The following SEPTIN11 variants were observed in gnomAD, a reference collection of about 807,000 sequenced individuals.
SEPTIN11 encodes the protein septin 11.
In SEPTIN11, 25 loss-of-function variants were observed where a neutral mutation model predicts 51.4. The observed-to-expected ratio is 0.49, with a 90% CI of 0.35 to 0.68. The LOEUF (loss-of-function observed/expected upper bound fraction) is 0.68. Among genes scored for constraint, SEPTIN11 ranks in the 30% least tolerant of loss-of-function variants. The pLI, the probability that SEPTIN11 is intolerant of heterozygous loss-of-function variation, is 0.00. For missense variants in SEPTIN11, 381 were observed against 520.8 expected (o/e 0.73, Z 2.61); for synonymous variants, 174 against 184.1 (o/e 0.95, Z 0.44).
rs149771560 is a variant in SEPTIN11 at position 77,035,175 on chromosome 4, G to A, written c.*663G>A. ...CCTGCCTTCAATCCTGGCCAAGTTG[G>A]AGTAGACTGGTATGAGAAAACTATG... is the stretch of plus-strand genomic sequence containing the variant. On this transcript the variant is annotated 3_prime_UTR_variant, in exon 10 of 10. Coordinates refer to ENST00000264893, the MANE Select transcript of SEPTIN11 (RefSeq NM_018243.4). 2.0e-4 allele frequency: 196 copies of A among 985,458 alleles called. 1 individual carries two copies. The African/African-American group carries it at 3.0e-3, about 15-fold the overall frequency. The allele number at this position is 985,458 out of a possible 1,614,324, so 61.0% of individuals were successfully genotyped here.
chr4:76,995,707 A>G lies in SEPTIN11; in HGVS notation c.28-718A>G. 1.5e-6 allele frequency: 2 copies of G among 1,305,714 alleles called. 1 individual carries two copies. Among genetic ancestry groups the G allele is most frequent in the South Asian group, 3.4e-5 (2 of 59,324 alleles). 80.9% of individuals were successfully genotyped at this position (1,305,714 alleles called of 1,614,324 possible). On this transcript the variant is annotated intron_variant, in intron 1 of 9. Coordinates refer to ENST00000264893, the MANE Select transcript of SEPTIN11 (RefSeq NM_018243.4). ...ACCATTTTATATAACAGCATAAATC[A>G]CCCAGTGATTTTACTTTAGCTTCCA...
intron 1 of SEPTIN11, among the ~76,000 whole-genome samples, chr4:76,982,119 T>C (rs894757364): frequency 9.2e-5 from 14 of 152,218 alleles, no homozygotes; most frequent in Admixed American, 7.9e-4. Flanking sequence ...TTCCCTGCCC[T>C]TTGGGCCTCT....
chr4:76,979,880 C>T (rs1448435465), intron 1 of SEPTIN11, among the ~76,000 whole-genome samples: 1 of 151,580 alleles, frequency 6.6e-6, no homozygotes, highest in South Asian at 2.1e-4. Flanking sequence ...CAAACAAGCA[C>T]CCAATAAACA....
chr4:76,978,508 G>A (rs1289458524), intron 1 of SEPTIN11, among the ~76,000 whole-genome samples: 1 of 152,108 alleles, frequency 6.6e-6, no homozygotes, highest in South Asian at 2.1e-4. Flanking sequence ...CTCTACTAAT[G>A]TAGTGGCCTG....
intron 1 of SEPTIN11, among the ~76,000 whole-genome samples, chr4:76,950,212 A>T (rs1721268202): frequency 6.6e-6 from 1 of 152,044 alleles, no homozygotes; most frequent in Admixed American, 6.5e-5. Flanking sequence ...TAATTCTTTG[A>T]GGCGCGGCGT....
intron 1 of SEPTIN11, among the ~76,000 whole-genome samples, chr4:76,963,055 C>T (rs1721888202): frequency 6.6e-6 from 1 of 152,064 alleles, no homozygotes; most frequent in African/African-American, 2.4e-5. Context: ...ATTTTTAATC[C>T]CAACCATGGA....
At chr4:76,962,148 T>G (rs1035637247) in intron 1 of SEPTIN11, among the ~76,000 whole-genome samples, 1 of 152,204 alleles carries the variant, frequency 6.6e-6, no homozygotes, top group Non-Finnish European at 1.5e-5. Flanking sequence ...GAAAACACTT[T>G]TAAGTTCTGT....
chr4:77,005,207 A>G (rs758761382), intron 2 of SEPTIN11, among the ~76,000 whole-genome samples: 1 of 152,226 alleles, frequency 6.6e-6, no homozygotes, highest in Admixed American at 6.5e-5. Flanking sequence ...CAGAAATTCA[A>G]CAGTATAGTC....
Position 77,012,793 on chromosome 4 carries a change from G to A in SEPTIN11, c.525+872G>A, listed in dbSNP as rs116584508. On this transcript the variant is annotated intron_variant, in intron 4 of 9. Transcript: ENST00000264893. ...CCTCTGTCTCAACTGTCCTTTAAAG[G>A]GCTGGAGAGGCTGAAGCCAAGCCAG... 4.2e-3 allele frequency among the ~76,000 whole-genome samples: 643 copies of A among 152,318 alleles called. 5 individuals carry two copies. The highest frequency in any genetic ancestry group is 0.015 in the African/African-American group (608 of 41,568).
intron 6 of SEPTIN11, 137 bp from the exon 7 acceptor site, chr4:77,020,365 A>G: frequency 9.9e-7 from 1 of 1,010,706 alleles, no homozygotes; most frequent in South Asian, 1.6e-5. Flanking sequence ...AGGTGAATCC[A>G]GTAAAGGATC....
chr4:77,025,052 TTC>T (rs1390744901), intron 7 of SEPTIN11, among the ~76,000 whole-genome samples: 1 of 152,186 alleles, frequency 6.6e-6, no homozygotes, highest in Non-Finnish European at 1.5e-5. Context: ...TCTGTGTTCG[TTC>T]TCTCTTCCTT....
chr4:77,032,769 C>T (rs1325733412), intron 9 of SEPTIN11, among the ~76,000 whole-genome samples: 1 of 152,158 alleles, frequency 6.6e-6, no homozygotes, highest in Non-Finnish European at 1.5e-5. Context: ...GTATACTAGA[C>T]GTGCCTTTAA....
intron 2 of SEPTIN11, among the ~76,000 whole-genome samples, chr4:77,000,797 C>T (rs7688449): frequency 0.37 from 56,738 of 151,942 alleles, 10,948 homozygotes; most frequent in Non-Finnish European, 0.42. Flanking sequence ...CACGCTGGCT[C>T]ATCTTATGCC....
At chr4:77,021,247 A>G (rs1373958698) in intron 7 of SEPTIN11, 1 of 152,486 alleles carries the variant, frequency 6.6e-6, no homozygotes, top group Admixed American at 6.5e-5. Flanking sequence ...GAGACGCAAA[A>G]TGTGAAGGGG....
chr4:77,015,570 T>C (rs1423349134), intron 5 of SEPTIN11, among the ~76,000 whole-genome samples: 1 of 152,168 alleles, frequency 6.6e-6, no homozygotes, highest in Non-Finnish European at 1.5e-5. Context: ...GTCTCCATCC[T>C]GCCGGTTGAT....
chr4:77,008,404 A>C (rs1044566837), intron 3 of SEPTIN11, among the ~76,000 whole-genome samples: 1 of 152,226 alleles, frequency 6.6e-6, no homozygotes, highest in Admixed American at 6.5e-5. Flanking sequence ...TCAGAGTTAT[A>C]AAACAGTAGT....
intron 1 of SEPTIN11, among the ~76,000 whole-genome samples, chr4:76,955,705 G>C (rs1293489786): frequency 6.6e-6 from 1 of 152,200 alleles, no homozygotes; most frequent in Non-Finnish European, 1.5e-5. Flanking sequence ...GATCAGGGGA[G>C]TTGATTCCTT....
chr4:76,969,804 TTCTAGCC>T (rs1374667990), intron 1 of SEPTIN11, among the ~76,000 whole-genome samples: 1 of 152,198 alleles, frequency 6.6e-6, no homozygotes, highest in Non-Finnish European at 1.5e-5. Context: ...CTTCTGACAT[TTCTAGCC>T]CTTTTCTGAC....
In SEPTIN11 at chr4:77,036,896, C is replaced by G; in HGVS notation, c.*2384C>G. The G allele has an allele frequency of 5.1e-6, 7 of 1,381,114 alleles. No individual in the cohort carries two copies. The highest frequency in any genetic ancestry group is 6.5e-6 in the Non-Finnish European group (7 of 1,073,546). The allele number at this position is 1,381,114 out of a possible 1,614,324, so 85.6% of individuals were successfully genotyped here. On this transcript the variant is annotated 3_prime_UTR_variant, in exon 10 of 10. Coordinates refer to ENST00000264893, the MANE Select transcript of SEPTIN11 (RefSeq NM_018243.4). ...TCTGACTTTTCAAAATTAGAGAAAG[C>G]AAATGGGATGGATAGATTTTTTTTT...
Sources: gnomAD v4.1 joint callset for allele counts (sites outside exome capture counted in the v4.1 genomes callset) on GRCh38, gnomAD v4.1.1 for gene constraint, MANE v1.5 for transcripts, NCBI Gene and HGNC (gene_info 2026-07-23, HGNC 2026-07-21) for gene names.